The following ARMH3 variants were observed in gnomAD, a reference collection of about 807,000 sequenced individuals.
ARMH3 encodes armadillo-like helical domain-containing protein 3.
Under a neutral mutation model 99.1 loss-of-function variants are expected in ARMH3, and 60 were observed. That is an observed-to-expected ratio of 0.61 (90% CI 0.49 to 0.75). ARMH3 has a LOEUF of 0.75. Ranked by LOEUF, ARMH3 falls within the 30% of genes least tolerant of loss-of-function variation. The probability of loss-of-function intolerance (pLI) is 0.00; values close to 1 mark genes in which losing one functional copy is unlikely to be tolerated. For missense variants in ARMH3, 679 were observed against 843.1 expected, an observed-to-expected ratio of 0.81 and a Z score of 2.41; for synonymous variants, 285 against 292.8, an observed-to-expected ratio of 0.97 and a Z score of 0.27.
chr10:101,990,676 GA>G, intron 18 of ARMH3, 65 bp from the exon 19 acceptor site: 16 of 1,349,806 alleles, frequency 1.2e-5, no homozygotes, highest in Middle Eastern at 1.8e-4. Context: ...CTTTGAGTTG[GA>G]AAAAAAGCTT....
intron 24 of ARMH3, among the ~76,000 whole-genome samples, chr10:101,879,386 G>C (rs1398043566): frequency 7.0e-6 from 1 of 141,868 alleles, no homozygotes; most frequent in African/African-American, 2.6e-5. Context: ...TTTCACTCTT[G>C]TTGCCCAGGC....
At chr10:102,001,943 C>T in intron 15 of ARMH3, 28 bp downstream of exon 15, 1 of 1,604,706 alleles carries the variant, frequency 6.2e-7, no homozygotes, top group Non-Finnish European at 8.5e-7. Flanking sequence ...CTTTGACTTC[C>T]TGAGCCCCCA....
intron 8 of ARMH3, among the ~76,000 whole-genome samples, chr10:102,015,547 C>T (rs1390837627): frequency 1.3e-5 from 2 of 152,030 alleles, no homozygotes; most frequent in Non-Finnish European, 2.9e-5. Flanking sequence ...TGTGCCACCA[C>T]GCCCAGCTAA....
intron 20 of ARMH3, among the ~76,000 whole-genome samples, chr10:101,972,196 T>C (rs1365818549): frequency 1.3e-5 from 2 of 152,202 alleles, no homozygotes; most frequent in Non-Finnish European, 2.9e-5. Flanking sequence ...AAATTCATTA[T>C]GGGAATCTGG....
chr10:101,865,019 A>G (rs1189300742), intron 24 of ARMH3, among the ~76,000 whole-genome samples: 1 of 152,020 alleles, frequency 6.6e-6, no homozygotes, highest in Non-Finnish European at 1.5e-5. Flanking sequence ...GATCGAGACC[A>G]TCATGGCTAA....
intron 8 of ARMH3, among the ~76,000 whole-genome samples, chr10:102,015,017 G>A (rs2066714719): frequency 1.3e-5 from 2 of 152,114 alleles, no homozygotes; most frequent in Admixed American, 1.3e-4. Context: ...ATTTAACCAA[G>A]CTTCTGAGGG....
intron 23 of ARMH3, among the ~76,000 whole-genome samples, chr10:101,933,171 G>GC (rs1024538312): frequency 3.2e-4 from 48 of 152,038 alleles, no homozygotes; most frequent in Non-Finnish European, 6.3e-4. Context: ...GGGCGACAGA[G>GC]CAAGACTCTA....
At chr10:101,919,259 A>G (rs933840373) in intron 23 of ARMH3, among the ~76,000 whole-genome samples, 5 of 152,012 alleles carry the variant, frequency 3.3e-5, no homozygotes, top group African/African-American at 1.2e-4. Flanking sequence ...TGTCTTAAAC[A>G]ATGACCCATT....
chr10:101,961,782 C>A (rs2135840225), intron 20 of ARMH3, among the ~76,000 whole-genome samples: 1 of 152,206 alleles, frequency 6.6e-6, no homozygotes, highest in African/African-American at 2.4e-5. Context: ...AGGACACTCA[C>A]AGAAGTAGCA....
intron 19 of ARMH3, among the ~76,000 whole-genome samples, chr10:101,979,254 T>C (rs1350282966): frequency 6.6e-6 from 1 of 152,158 alleles, no homozygotes; most frequent in East Asian, 1.9e-4. Context: ...AATTAGTGAA[T>C]GAATAAATAC....
At chr10:101,982,432 T>C (rs1367410334) in intron 19 of ARMH3, among the ~76,000 whole-genome samples, 1 of 152,140 alleles carries the variant, frequency 6.6e-6, no homozygotes, top group Non-Finnish European at 1.5e-5. Flanking sequence ...AAAAATAATC[T>C]ATAAATCAAT....
chr10:101,906,305 G>A (rs189523687), intron 23 of ARMH3, among the ~76,000 whole-genome samples: 1 of 152,182 alleles, frequency 6.6e-6, no homozygotes, highest in Non-Finnish European at 1.5e-5. Flanking sequence ...ATAAGGTTTG[G>A]GCAACTTTGA....
Position 101,969,683 on chromosome 10 carries a change from C to T in ARMH3, c.1495+5529G>A, listed in dbSNP as rs895015474. On this transcript the variant is annotated intron_variant, in intron 20 of 25. Coordinates refer to ENST00000370033, the MANE Select transcript of ARMH3 (RefSeq NM_024541.3). ...TTTCTTTTTCACAAAGCTGTGAATG[C>T]TTTGGATGTTACTTAGCACAGTGAA... is the stretch of plus-strand genomic sequence containing the variant. 3.7e-4 allele frequency among the ~76,000 whole-genome samples: 56 copies of T among 152,280 alleles called. 1 individual carries two copies. The highest frequency in any genetic ancestry group is 1.3e-3 in the African/African-American group (55 of 41,556).
At chr10:102,043,598 T>C (rs1015666300) in intron 1 of ARMH3, among the ~76,000 whole-genome samples, 4 of 152,146 alleles carry the variant, frequency 2.6e-5, no homozygotes, top group African/African-American at 9.7e-5. Flanking sequence ...GAAAGAAACA[T>C]TCTGTGACTA....
chr10:102,056,005 G>C (rs1175473216), intron 1 of ARMH3, 80 bp downstream of exon 1: 1 of 152,348 alleles, frequency 6.6e-6, no homozygotes, highest in Non-Finnish European at 1.5e-5. Flanking sequence ...GAACCGCCTC[G>C]GGGCCAAGGC....
At chr10:101,950,537 A>C (rs759889438) in intron 22 of ARMH3, among the ~76,000 whole-genome samples, 4 of 152,242 alleles carry the variant, frequency 2.6e-5, no homozygotes, top group Non-Finnish European at 5.9e-5. Context: ...AAAAAGTAGA[A>C]GCAACCTAAA....
At chr10:102,015,206 C>T (rs1026180662) in intron 8 of ARMH3, among the ~76,000 whole-genome samples, 2 of 152,102 alleles carry the variant, frequency 1.3e-5, no homozygotes, top group Non-Finnish European at 2.9e-5. Context: ...TCAAATTCTG[C>T]TGATTCTACA....
intron 23 of ARMH3, among the ~76,000 whole-genome samples, chr10:101,914,960 C>T (rs1367028736): frequency 6.7e-6 from 1 of 148,962 alleles, no homozygotes; most frequent in Non-Finnish European, 1.5e-5. Flanking sequence ...AGGTTAATTA[C>T]AGCTTTTTGT....
At position 101,889,479 on chromosome 10, in the gene ARMH3, T is replaced by A. The variant is rs751200630; in HGVS notation, c.1793A>T (p.Asn598Ile). ...HALVNIRAIINHFNPKIESYA... is the reference protein window; with the variant it reads ...HALVNIRAIIIHFNPKIESYA... ...GGACTCAATTTTGGGGTTAAAGTGG[T>A]TGATGATGGCTCTGAAACAAAGAAT... is the stretch of plus-strand genomic sequence containing the variant. The change falls in exon 24 of 26, where the codon AAC (asparagine) becomes ATC (isoleucine). Residue 598 changes from asparagine (N) to isoleucine (I), a missense_variant. This residue lies in a region of ARMH3 where 389 missense variants were observed against 456.5 expected (regional missense o/e 0.85). Coordinates refer to ENST00000370033, the MANE Select transcript of ARMH3 (RefSeq NM_024541.3). 1.2e-6 allele frequency: 2 copies of A among 1,613,116 alleles called. No homozygotes were observed. The highest frequency in any genetic ancestry group is 2.2e-5 in the South Asian group (2 of 91,058).
Sources: allele counts gnomAD v4.1 joint callset (sites outside exome capture counted in the v4.1 genomes callset), GRCh38; gene constraint gnomAD v4.1.1; regional missense constraint gnomAD v4.1.1; transcripts MANE v1.5; gene names NCBI Gene and HGNC (gene_info 2026-07-23, HGNC 2026-07-21).